Variants in CALN1 observed in about 807,000 individuals in gnomAD.
CALN1 encodes calneuron 1.
In CALN1, 17 loss-of-function variants were observed where a neutral mutation model predicts 30.6. The observed-to-expected ratio is 0.56, with a 90% CI of 0.38 to 0.83. The LOEUF (loss-of-function observed/expected upper bound fraction) is 0.83. Ranked by LOEUF, CALN1 falls within the 40% of genes least tolerant of loss-of-function variation. The pLI, the probability that CALN1 is intolerant of heterozygous loss-of-function variation, is 0.00. For missense variants in CALN1, 291 were observed against 354.9 expected (o/e 0.82, Z 1.45); for synonymous variants, 156 against 131.4 (o/e 1.19, Z -1.28).
At chr7:71,881,944 A>C (rs1436330486) in intron 5 of CALN1, among the ~76,000 whole-genome samples, 1 of 151,824 alleles carries the variant, frequency 6.6e-6, no homozygotes, top group Non-Finnish European at 1.5e-5. Flanking sequence ...GTGGTGGTAT[A>C]TGCCTGTAGT....
chr7:72,466,769 A>AGGAAAGAAGGGAAGGAAG, the CALN1 span, among the ~76,000 whole-genome samples: 1 of 151,286 alleles, frequency 6.6e-6, no homozygotes, highest in African/African-American at 2.4e-5. Flanking sequence ...GAGAAAAGGA[A>AGGAAAGAAGGGAAGGAAG]GGAAAGAAGG....
At chr7:72,174,463 G>A (rs533162152) in intron 3 of CALN1, among the ~76,000 whole-genome samples, 1 of 151,974 alleles carries the variant, frequency 6.6e-6, no homozygotes, top group African/African-American at 2.4e-5. Context: ...TTACATTTTT[G>A]ACTATTACTT....
intron 3 of CALN1, among the ~76,000 whole-genome samples, chr7:72,170,173 G>C (rs1788837219): frequency 6.6e-6 from 1 of 152,052 alleles, no homozygotes; most frequent in African/African-American, 2.4e-5. Flanking sequence ...TGTAGAGACA[G>C]GATCTTACTA....
intron 4 of CALN1, among the ~76,000 whole-genome samples, chr7:72,072,678 G>A (rs1804480638): frequency 6.6e-6 from 1 of 152,050 alleles, no homozygotes; most frequent in Non-Finnish European, 1.5e-5. Flanking sequence ...CAATTTAAGA[G>A]GTTAATAATT....
chr7:72,059,555 A>G (rs959351987), intron 4 of CALN1, among the ~76,000 whole-genome samples: 2 of 152,200 alleles, frequency 1.3e-5, no homozygotes, highest in African/African-American at 4.8e-5. Context: ...GAAGCATAAT[A>G]TTTCCAAAAA....
At position 71,915,224 on chromosome 7, in the gene CALN1, G is replaced by A. The variant is rs111872193; in HGVS notation, c.502-104732C>T. ...GGTCTCCAGTGCAACAAAAGCCCAA[G>A]AGAGGATTAACTCTCAACCACACTT... On this transcript the variant is annotated intron_variant, in intron 5 of 6. Transcript: ENST00000395275. 7.3e-3 allele frequency among the ~76,000 whole-genome samples: 1,118 copies of A among 152,282 alleles called. 10 individuals carry two copies. The highest frequency in any genetic ancestry group is 0.025 in the African/African-American group (1,041 of 41,548).
At chr7:72,082,477 C>T (rs755332673) in intron 4 of CALN1, among the ~76,000 whole-genome samples, 40 of 152,192 alleles carry the variant, frequency 2.6e-4, no homozygotes, top group Non-Finnish European at 5.9e-4. Flanking sequence ...GCTGAGGTCC[C>T]TCCTGCACCT....
chr7:71,964,146 C>T (rs556920289), intron 5 of CALN1, among the ~76,000 whole-genome samples: 2 of 152,300 alleles, frequency 1.3e-5, no homozygotes, highest in East Asian at 3.9e-4. Context: ...CATTCCCCTA[C>T]GGATGGACAC....
At chr7:72,368,871 G>A (rs1402757646) in intron 2 of CALN1, among the ~76,000 whole-genome samples, 1 of 144,274 alleles carries the variant, frequency 6.9e-6, no homozygotes, top group Non-Finnish European at 1.5e-5. Flanking sequence ...CTGGAGTGCA[G>A]CGGCACAATC....
At chr7:72,283,663 T>TA (rs1797882109) in intron 2 of CALN1, among the ~76,000 whole-genome samples, 1 of 152,142 alleles carries the variant, frequency 6.6e-6, no homozygotes, top group South Asian at 2.1e-4. Flanking sequence ...ATGGATGAAT[T>TA]AGATTGATGC....
intron 5 of CALN1, among the ~76,000 whole-genome samples, chr7:72,021,114 A>C (rs1800680844): frequency 6.6e-6 from 1 of 152,056 alleles, no homozygotes; most frequent in Non-Finnish European, 1.5e-5. Flanking sequence ...CTACCAAAAA[A>C]CACAGAAAAA....
upstream of CALN1, among the ~76,000 whole-genome samples, chr7:72,412,786 G>C (rs1585700362): frequency 6.6e-6 from 1 of 152,198 alleles, no homozygotes; most frequent in East Asian, 1.9e-4. Context: ...GTTTCTAGAA[G>C]CAGTCAAGCC....
intron 3 of CALN1, among the ~76,000 whole-genome samples, chr7:72,185,555 T>C (rs1462510611): frequency 6.6e-6 from 1 of 152,082 alleles, no homozygotes; most frequent in Non-Finnish European, 1.5e-5. Flanking sequence ...ACATGACAAA[T>C]GGGACTTTGC....
At chr7:72,229,672 T>C (rs1159415172) in intron 3 of CALN1, among the ~76,000 whole-genome samples, 1 of 151,870 alleles carries the variant, frequency 6.6e-6, no homozygotes, top group South Asian at 2.1e-4. Flanking sequence ...CTCAGCCAAC[T>C]AACACAGGAA....
chr7:72,408,202 G>A (rs542356859), intron 1 of CALN1, among the ~76,000 whole-genome samples: 5 of 151,708 alleles, frequency 3.3e-5, no homozygotes, highest in Admixed American at 1.3e-4. Flanking sequence ...GGAGGCCAAG[G>A]GGGGTGGATC....
At chr7:72,399,258 T>C (rs1332587964) in intron 2 of CALN1, among the ~76,000 whole-genome samples, 2 of 145,022 alleles carry the variant, frequency 1.4e-5, no homozygotes, top group Admixed American at 1.4e-4. Flanking sequence ...GCCGGTTTTG[T>C]CTAACCTATT....
Position 71,784,681 on chromosome 7 carries a change from C to G in CALN1, c.*3094G>C, listed in dbSNP as rs1792895279. Reference sequence around the variant, plus strand: ...TGCTCTTGCAGCAAGAATGAGCCAACCTGTGTTTGTCAATCACTCAGCCTC... The same window carrying G: ...TGCTCTTGCAGCAAGAATGAGCCAAGCTGTGTTTGTCAATCACTCAGCCTC... On this transcript the variant is annotated 3_prime_UTR_variant, in exon 7 of 7. Transcript: ENST00000395275. The G allele has an allele frequency of 2.5e-6, 1 of 397,294 alleles. No homozygotes were observed. The highest frequency in any genetic ancestry group is 4.4e-6 in the Non-Finnish European group (1 of 225,736). The allele number at this position is 397,294 out of a possible 1,614,324, so 24.6% of individuals were successfully genotyped here. A position where few individuals can be genotyped will look rare whatever the true frequency, so the allele number is the denominator to read the frequency against.
At chr7:71,790,514 T>G (rs1206080476) in intron 6 of CALN1, among the ~76,000 whole-genome samples, 2 of 152,176 alleles carry the variant, frequency 1.3e-5, no homozygotes, top group African/African-American at 4.8e-5. Context: ...TGTCAGAATG[T>G]CTTTTCCATC....
At chr7:71,933,438 T>C (rs1795666173) in intron 5 of CALN1, among the ~76,000 whole-genome samples, 1 of 152,172 alleles carries the variant, frequency 6.6e-6, no homozygotes, top group Non-Finnish European at 1.5e-5. Flanking sequence ...GCTGTTCTCC[T>C]TTCTCTTTCT....
Sources: gnomAD v4.1 joint callset for allele counts (sites outside exome capture counted in the v4.1 genomes callset) on GRCh38, gnomAD v4.1.1 for gene constraint, MANE v1.5 for transcripts, NCBI Gene and HGNC (gene_info 2026-07-23, HGNC 2026-07-21) for gene names.